Variants in TENM3 observed in about 807,000 individuals in gnomAD.
The protein encoded by TENM3 is teneurin transmembrane protein 3.
In TENM3, 63 loss-of-function variants were observed where a neutral mutation model predicts 255.1. That is an observed-to-expected ratio of 0.25 (90% CI 0.20 to 0.30). The LOEUF (loss-of-function observed/expected upper bound fraction) is 0.30. TENM3 is among the 10% of genes least tolerant of loss of function. The pLI, the probability that TENM3 is intolerant of heterozygous loss-of-function variation, is 1.00. For synonymous variants in TENM3, 1,306 were observed against 1,322.3 expected (o/e 0.99, Z 0.27); for missense variants, 2,929 against 3,461.1 (o/e 0.85, Z 3.86).
At chr4:182,748,615 T>C (rs996343079) in intron 19 of TENM3, among the ~76,000 whole-genome samples, 3 of 152,194 alleles carry the variant, frequency 2.0e-5, no homozygotes, top group African/African-American at 7.2e-5. Flanking sequence ...ACTAGAAATA[T>C]CCAGACTCAC....
At chr4:182,425,868 C>T (rs117685772) in intron 3 of TENM3, among the ~76,000 whole-genome samples, 2,312 of 151,974 alleles carry the variant, frequency 0.015, 59 homozygotes, top group East Asian at 0.1. Context: ...ACTAGCCAGA[C>T]GTCGTGGCAC....
At chr4:182,566,763 G>A (rs989450449) in intron 3 of TENM3, among the ~76,000 whole-genome samples, 1 of 152,148 alleles carries the variant, frequency 6.6e-6, no homozygotes, top group African/African-American at 2.4e-5. Context: ...CAATTAACAA[G>A]TTTTTAATCT....
At chr4:182,618,774 A>T (rs1369388867) in intron 4 of TENM3, among the ~76,000 whole-genome samples, 1 of 152,190 alleles carries the variant, frequency 6.6e-6, no homozygotes, top group East Asian at 1.9e-4. Context: ...GTAAAAAAAA[A>T]TTTGAAATGA....
chr4:181,691,374 G>A, the TENM3 span, among the ~76,000 whole-genome samples: 2 of 151,036 alleles, frequency 1.3e-5, no homozygotes, highest in Non-Finnish European at 2.9e-5. Context: ...ACACACACAC[G>A]ATAAGATCGT....
At chr4:181,577,319 G>A in the TENM3 span, among the ~76,000 whole-genome samples, 4 of 150,144 alleles carry the variant, frequency 2.7e-5, no homozygotes, top group East Asian at 7.8e-4. Context: ...GGGATTACAG[G>A]CGTGAGCCAC....
chr4:181,542,928 A>G, the TENM3 span, among the ~76,000 whole-genome samples: 16 of 152,270 alleles, frequency 1.1e-4, no homozygotes, highest in East Asian at 2.7e-3. Context: ...CATCCCCTAC[A>G]TTACTTACCC....
At chr4:182,068,554 G>GA in the TENM3 span, among the ~76,000 whole-genome samples, 22 of 151,308 alleles carry the variant, frequency 1.5e-4, no homozygotes, top group Admixed American at 9.9e-4. Context: ...AATGAAATAT[G>GA]AAAAAAAAGC....
chr4:182,743,159 AT>A lies in TENM3; in HGVS notation c.3380-8del. ...CATCATAAGAAAAACAATGCACTTT[AT>A]TTCTTCTAGGTATACTGTACAAGGG... On this transcript the variant is annotated splice_polypyrimidine_tract_variant and intron_variant, in intron 18 of 27. Transcript: ENST00000511685. 6.3e-7 allele frequency: 1 copy of A among 1,576,174 alleles called. No homozygotes were observed.
chr4:181,497,814 C>T, the TENM3 span, among the ~76,000 whole-genome samples: 1 of 152,140 alleles, frequency 6.6e-6, no homozygotes, highest in Admixed American at 6.6e-5. Flanking sequence ...ACATTTGTTG[C>T]TAACCAAGAA....
At chr4:182,558,769 T>G (rs1484760562) in intron 3 of TENM3, among the ~76,000 whole-genome samples, 1 of 152,180 alleles carries the variant, frequency 6.6e-6, no homozygotes, top group Non-Finnish European at 1.5e-5. Context: ...TTGTCCTGAT[T>G]TGTCATTAGA....
chr4:182,290,426 C>T (rs577794048), intron 1 of TENM3, among the ~76,000 whole-genome samples: 72 of 152,294 alleles, frequency 4.7e-4, no homozygotes, highest in African/African-American at 1.7e-3. Context: ...AGAACCATTG[C>T]TAGATGTAAT....
chr4:181,777,887 C>A, the TENM3 span, among the ~76,000 whole-genome samples: 1 of 152,096 alleles, frequency 6.6e-6, no homozygotes, highest in Non-Finnish European at 1.5e-5. Flanking sequence ...GTAGCTGAGA[C>A]AGAATCTCAT....
chr4:181,781,585 C>A, the TENM3 span, among the ~76,000 whole-genome samples: 1 of 152,158 alleles, frequency 6.6e-6, no homozygotes, highest in South Asian at 2.1e-4. Context: ...TTGACTTCCT[C>A]TTTTCCTAAT....
the TENM3 span, among the ~76,000 whole-genome samples, chr4:181,845,599 T>C: frequency 6.6e-6 from 1 of 152,226 alleles, no homozygotes; most frequent in African/African-American, 2.4e-5. Context: ...GCCATTCCTC[T>C]CTATCAAGTG....
the TENM3 span, among the ~76,000 whole-genome samples, chr4:181,471,258 C>T: frequency 1.3e-5 from 2 of 152,208 alleles, no homozygotes; most frequent in East Asian, 3.8e-4. Context: ...CACATGGCTT[C>T]AACCATTAGA....
chr4:181,977,599 G>A, the TENM3 span, among the ~76,000 whole-genome samples: 1 of 152,146 alleles, frequency 6.6e-6, no homozygotes, highest in Non-Finnish European at 1.5e-5. Context: ...ATATAAATGT[G>A]AAAGCAATAA....
intron 4 of TENM3, among the ~76,000 whole-genome samples, chr4:182,621,453 G>T (rs1366636726): frequency 1.3e-5 from 2 of 149,778 alleles, no homozygotes; most frequent in Non-Finnish European, 3.0e-5. Flanking sequence ...CTGAGGAGGG[G>T]TACTTCTGAG....
intron 3 of TENM3, among the ~76,000 whole-genome samples, chr4:182,499,188 G>C (rs891892767): frequency 4.6e-5 from 7 of 152,172 alleles, no homozygotes; most frequent in Non-Finnish European, 1.0e-4. Flanking sequence ...AAGTGAATGA[G>C]GTTATCTAAT....
At chr4:181,516,418 A>G in the TENM3 span, among the ~76,000 whole-genome samples, 1 of 152,054 alleles carries the variant, frequency 6.6e-6, no homozygotes, top group African/African-American at 2.4e-5. Context: ...ATCAGACCCA[A>G]AATCACATTC....
Sources: allele counts gnomAD v4.1 joint callset (sites outside exome capture counted in the v4.1 genomes callset), GRCh38; gene constraint gnomAD v4.1.1; transcripts MANE v1.5; gene names NCBI Gene and HGNC (gene_info 2026-07-23, HGNC 2026-07-21).